Variants in FBLN1 observed in about 807,000 individuals in gnomAD.
FBLN1 encodes fibulin 1, also known as fibulin-1.
Under a neutral mutation model 89.7 loss-of-function variants are expected in FBLN1, and 34 were observed. That is an observed-to-expected ratio of 0.38 (90% CI 0.29 to 0.50). FBLN1 has a LOEUF of 0.50. FBLN1 is among the 20% of genes least tolerant of loss of function. The pLI, the probability that FBLN1 is intolerant of heterozygous loss-of-function variation, is 0.92. For synonymous variants in FBLN1, 393 were observed against 391.3 expected (o/e 1.00, Z -0.05); for missense variants, 777 against 988.1 (o/e 0.79, Z 2.86).
chr22:45,519,094 G>T (rs545380448), intron 2 of FBLN1, among the ~76,000 whole-genome samples: 8 of 133,874 alleles, frequency 6.0e-5, no homozygotes, highest in Admixed American at 2.2e-4. Flanking sequence ...TTTAAAAAAG[G>T]GGGGACAGTT....
rs2089030311 is a variant in FBLN1, at chr22:45,580,084, G to C, written c.1972+2976G>C. 6.6e-6 allele frequency among the ~76,000 whole-genome samples: 1 copy of C among 152,174 alleles called. No individual in the cohort carries two copies. The highest frequency in any genetic ancestry group is 2.4e-5 in the African/African-American group (1 of 41,456). ...GTCATGATTGTCTCCCTTGGGCAAA[G>C]GAGGGAGCTGAGTTAAATGACCGCC... is the stretch of plus-strand genomic sequence containing the variant. On this transcript the variant is annotated intron_variant, in intron 16 of 16. Coordinates refer to ENST00000327858, the MANE Select transcript of FBLN1 (RefSeq NM_006486.3). This position sits in a 1 kb window ranked among gnomAD's most constrained non-coding sequence, Gnocchi z 8.6.
chr22:45,525,412 T>C (rs984588779), intron 2 of FBLN1, 131 bp from the exon 3 acceptor site: 7 of 828,244 alleles, frequency 8.5e-6, no homozygotes, highest in East Asian at 2.7e-5. Context: ...GGGCACTGTG[T>C]ATTTCTCTCT....
intron 8 of FBLN1, among the ~76,000 whole-genome samples, chr22:45,538,489 G>T (rs933853322): frequency 2.0e-5 from 3 of 152,078 alleles, no homozygotes; most frequent in African/African-American, 7.2e-5. Flanking sequence ...AGACTGTTCT[G>T]CCACTTGCTT....
rs2147032420 is a variant in FBLN1 at position 45,580,382 on chromosome 22, A to G, written c.1972+3274A>G. Among the ~76,000 whole-genome samples, 1 of 152,272 alleles carries G rather than the reference A, an allele frequency of 6.6e-6. No individual in the cohort carries two copies. The highest frequency in any genetic ancestry group is 2.1e-4 in the South Asian group (1 of 4,830). On this transcript the variant is annotated intron_variant, in intron 16 of 16. Coordinates refer to ENST00000327858, the MANE Select transcript of FBLN1 (RefSeq NM_006486.3). The surrounding 1 kb of genome is among the most constrained non-coding windows in gnomAD (Gnocchi z 8.6). The stretch of plus-strand genomic sequence containing the variant: ...GCTGAACACCTGTCTGCTCTAGGCC[A>G]TGCCCTGTGTGGACACTGGGCACCG...
intron 2 of FBLN1, among the ~76,000 whole-genome samples, chr22:45,524,667 A>G (rs1468223987): frequency 6.6e-6 from 1 of 152,162 alleles, no homozygotes; most frequent in African/African-American, 2.4e-5. Flanking sequence ...TTTGGTTTTC[A>G]AATCAGCAGG....
chr22:45,542,106 A>G (rs374470647), intron 9 of FBLN1, 49 bp from the exon 10 acceptor site: 14 of 1,613,674 alleles, frequency 8.7e-6, no homozygotes, highest in Admixed American at 5.0e-5. Flanking sequence ...TTGGGGGGAA[A>G]AAACCCAAAC....
chr22:45,553,140 C>A (rs2068836606), intron 14 of FBLN1, among the ~76,000 whole-genome samples: 1 of 152,232 alleles, frequency 6.6e-6, no homozygotes, highest in African/African-American at 2.4e-5. Flanking sequence ...CAGGAAAATG[C>A]CGGCAGGGAT....
rs368018969 is a variant in FBLN1 at position 45,525,626 on chromosome 22, G to A, written c.269G>A (p.Arg90His). 3.7e-5 allele frequency: 57 copies of A among 1,551,068 alleles called. No homozygotes were observed. The highest frequency in any genetic ancestry group is 4.7e-5 in the Non-Finnish European group (54 of 1,146,956). ...ATCAGCCTGGCCAACGAGCAGGACC[G>A]CTGTGCCACGCCCCACGGTGACAAC... Reference protein sequence around the residue: ...TGISLANEQDRCATPHGDNAS... With the variant: ...TGISLANEQDHCATPHGDNAS... The change falls in exon 3 of 17, where the codon CGC becomes CAC. Residue 90 changes from arginine to histidine, a missense_variant. Transcript: ENST00000327858.
rs1322075456 is a variant in FBLN1, at chr22:45,530,797, C to T, written c.485-468C>T. Among the ~76,000 whole-genome samples, 1 of 151,904 alleles carries T rather than the reference C, an allele frequency of 6.6e-6. No homozygotes were observed. The highest frequency in any genetic ancestry group is 1.9e-4 in the East Asian group (1 of 5,186). ...TTTTTTTTTGAAACGGAGTCTCGCT[C>T]TTGTTGCCCAGGCTGGAGTGCAATG... On this transcript the variant is annotated intron_variant, in intron 4 of 16. Transcript: ENST00000327858. The surrounding 1 kb of genome is among the most constrained non-coding windows in gnomAD (Gnocchi z 5.4).
At chr22:45,507,684 C>T (rs2088041087) in intron 1 of FBLN1, among the ~76,000 whole-genome samples, 1 of 152,130 alleles carries the variant, frequency 6.6e-6, no homozygotes, top group Non-Finnish European at 1.5e-5. Context: ...TGCGCCACCA[C>T]ACCTGGCTAA....
chr22:45,550,853 A>G lies in FBLN1; in HGVS notation c.1697+238A>G. 1 of 598,346 alleles carries G rather than the reference A, an allele frequency of 1.7e-6. No homozygotes were observed. The highest frequency in any genetic ancestry group is 3.0e-5 in the East Asian group (1 of 33,674). The allele number at this position is 598,346 out of a possible 1,614,324, so 37.1% of individuals were successfully genotyped here. ...GGGTCTATAGTCATGTTTTCAGGCC[A>G]AGGCTGTGCACAGAACCAGGAGAAA... On this transcript the variant is annotated intron_variant, in intron 14 of 16. Coordinates refer to ENST00000327858, the MANE Select transcript of FBLN1 (RefSeq NM_006486.3). This position sits in a 1 kb window ranked among gnomAD's most constrained non-coding sequence, Gnocchi z 8.4.
chr22:45,538,770 C>T (rs1007709856), intron 8 of FBLN1, among the ~76,000 whole-genome samples: 12 of 152,028 alleles, frequency 7.9e-5, no homozygotes, highest in African/African-American at 2.7e-4. Context: ...TGGTGGGAAG[C>T]GTTGATTTCC....
At chr22:45,511,201 C>G (rs1340374150) in intron 1 of FBLN1, among the ~76,000 whole-genome samples, 4 of 150,504 alleles carry the variant, frequency 2.7e-5, no homozygotes, top group African/African-American at 9.8e-5. Flanking sequence ...GTTGCCCAGG[C>G]TAGAGTGCAA....
chr22:45,504,590 C>G (rs114968748), intron 1 of FBLN1, among the ~76,000 whole-genome samples: 2 of 152,058 alleles, frequency 1.3e-5, no homozygotes, highest in African/African-American at 4.8e-5. Context: ...TCAGAGGCCC[C>G]GATTGTGTCG....
chr22:45,563,109 C>T lies in FBLN1; in HGVS notation c.1698-11402C>T, dbSNP rs763345958. 3 of 1,613,276 alleles carry T rather than the reference C, an allele frequency of 1.9e-6. No individual in the cohort carries two copies. The African/African-American group carries it at 4.0e-5, about 22-fold the overall frequency. On this transcript the variant is annotated intron_variant, in intron 14 of 16. Coordinates refer to ENST00000327858, the MANE Select transcript of FBLN1 (RefSeq NM_006486.3). This position sits in a 1 kb window ranked among gnomAD's most constrained non-coding sequence, Gnocchi z 5.7. ...GGCAATGAGGAGGGCTTTTTCACCA[C>T]CCGGAAGGTGAGCCCCCACAGTGGG...
intron 16 of FBLN1, among the ~76,000 whole-genome samples, chr22:45,594,334 C>T (rs927266438): frequency 6.6e-6 from 1 of 152,198 alleles, no homozygotes. Flanking sequence ...AAGTGAGGTC[C>T]TGGGGCAGTC....
chr22:45,535,386 C>T (rs765280576), intron 8 of FBLN1, 49 bp downstream of exon 8: 21 of 1,608,072 alleles, frequency 1.3e-5, no homozygotes, highest in Non-Finnish European at 1.6e-5. Flanking sequence ...GAGGGGCCAG[C>T]GACCTAGCCT....
At position 45,545,337 on chromosome 22, in the gene FBLN1, G is replaced by T. The variant is rs775703400; in HGVS notation, c.1322-1748G>T. 6.6e-6 allele frequency among the ~76,000 whole-genome samples: 1 copy of T among 152,186 alleles called. No homozygotes were observed. The highest frequency in any genetic ancestry group is 1.9e-4 in the East Asian group (1 of 5,190). ...GGGCATAGTAGGACCAACCCCATAGGGGGTTGTGAGGATGAAACGAGATTA... is the reference window on the plus strand; with the variant it reads ...GGGCATAGTAGGACCAACCCCATAGTGGGTTGTGAGGATGAAACGAGATTA... On this transcript the variant is annotated intron_variant, in intron 11 of 16. Coordinates refer to ENST00000327858, the MANE Select transcript of FBLN1 (RefSeq NM_006486.3). This position sits in a 1 kb window ranked among gnomAD's most constrained non-coding sequence, Gnocchi z 5.9.
chr22:45,586,342 T>A (rs1348940697), intron 16 of FBLN1, among the ~76,000 whole-genome samples: 2 of 152,016 alleles, frequency 1.3e-5, no homozygotes, highest in East Asian at 1.9e-4. Flanking sequence ...GACAGCATGG[T>A]GGGGAGAGGG....
Sources: allele counts gnomAD v4.1 joint callset (sites outside exome capture counted in the v4.1 genomes callset), GRCh38; gene constraint gnomAD v4.1.1; non-coding constraint Gnocchi (gnomAD v3.1); transcripts MANE v1.5; gene names NCBI Gene and HGNC (gene_info 2026-07-23, HGNC 2026-07-21).